The following SLC35F4 variants were observed in gnomAD, a reference collection of about 807,000 sequenced individuals.
SLC35F4 encodes solute carrier family 35 member F4.
In SLC35F4, 24 loss-of-function variants were observed where a neutral mutation model predicts 44.2. The ratio of observed to expected loss-of-function variants is 0.54; its 90% confidence interval spans 0.39 to 0.76. SLC35F4 has a LOEUF of 0.76. Ranked by LOEUF, SLC35F4 falls within the 30% of genes least tolerant of loss-of-function variation. The pLI is 0.00. For missense variants in SLC35F4, 562 were observed against 586.1 expected (o/e 0.96, Z 0.42); for synonymous variants, 238 against 223.6 (o/e 1.06, Z -0.57).
intron 1 of SLC35F4, among the ~76,000 whole-genome samples, chr14:57,873,686 T>C (rs1049621372): frequency 6.6e-6 from 1 of 152,126 alleles, no homozygotes; most frequent in African/African-American, 2.4e-5. Context: ...TAAGTAATCT[T>C]CCATTTTCCA....
At chr14:57,663,878 G>A (rs1951751) in intron 1 of SLC35F4, among the ~76,000 whole-genome samples, 59,087 of 151,946 alleles carry the variant, frequency 0.39, 11,606 homozygotes, top group South Asian at 0.51. Context: ...CAGTTCACAG[G>A]TGCTACACAA....
At chr14:57,859,044 G>A (rs1887433495) in intron 1 of SLC35F4, among the ~76,000 whole-genome samples, 2 of 152,016 alleles carry the variant, frequency 1.3e-5, no homozygotes, top group Admixed American at 1.3e-4. Flanking sequence ...GTTTAAGGCT[G>A]CAGTAAACTA....
chr14:57,730,726 C>T (rs1204553998), intron 1 of SLC35F4, among the ~76,000 whole-genome samples: 1 of 152,138 alleles, frequency 6.6e-6, no homozygotes, highest in Non-Finnish European at 1.5e-5. Context: ...TTATTTCTCC[C>T]TGTTTCATTA....
chr14:57,971,081 TTACAAC>T (rs552594578), intron 1 of SLC35F4, among the ~76,000 whole-genome samples: 113 of 152,294 alleles, frequency 7.4e-4, no homozygotes, highest in African/African-American at 2.1e-3. Flanking sequence ...CACTTCCATC[TTACAAC>T]TACAACAATG....
chr14:57,813,312 G>A (rs558843305), intron 1 of SLC35F4, among the ~76,000 whole-genome samples: 4 of 152,278 alleles, frequency 2.6e-5, no homozygotes, highest in Middle Eastern at 3.4e-3. Flanking sequence ...TTTATAGGCC[G>A]GCTGTGGTGG....
At chr14:57,828,911 C>T (rs567468698) in intron 1 of SLC35F4, among the ~76,000 whole-genome samples, 4 of 152,350 alleles carry the variant, frequency 2.6e-5, no homozygotes, top group Non-Finnish European at 4.4e-5. Context: ...AGCTCACCCA[C>T]GGGACACTTT....
intron 1 of SLC35F4, among the ~76,000 whole-genome samples, chr14:57,727,662 G>A (rs926083068): frequency 6.6e-6 from 1 of 151,978 alleles, no homozygotes; most frequent in African/African-American, 2.4e-5. Flanking sequence ...TGGTCATTCA[G>A]GAGAACATTA....
intron 1 of SLC35F4, among the ~76,000 whole-genome samples, chr14:57,818,815 A>G (rs540672227): frequency 6.6e-6 from 1 of 152,316 alleles, no homozygotes; most frequent in East Asian, 1.9e-4. Context: ...GAAGTACAAC[A>G]TGTGGACTGT....
chr14:57,577,900 T>G (rs1254918310), intron 4 of SLC35F4, among the ~76,000 whole-genome samples: 1 of 152,204 alleles, frequency 6.6e-6, no homozygotes, highest in Non-Finnish European at 1.5e-5. Context: ...AAGGGCTTTT[T>G]ATAACACATC....
At chr14:57,675,959 A>T (rs761555007) in intron 1 of SLC35F4, among the ~76,000 whole-genome samples, 15 of 152,208 alleles carry the variant, frequency 9.9e-5, no homozygotes, top group African/African-American at 2.4e-4. Context: ...CAACAACAAA[A>T]AATAAATAAA....
chr14:57,878,408 A>C (rs1199636940), intron 1 of SLC35F4, among the ~76,000 whole-genome samples: 1 of 152,158 alleles, frequency 6.6e-6, no homozygotes, highest in Non-Finnish European at 1.5e-5. Context: ...GACTCTTAGC[A>C]TGAATCCCAC....
intron 1 of SLC35F4, among the ~76,000 whole-genome samples, chr14:57,641,231 C>T (rs770798466): frequency 4.5e-4 from 68 of 152,054 alleles, no homozygotes; most frequent in Non-Finnish European, 8.1e-4. Flanking sequence ...CATAAACACG[C>T]TAACTTTAAA....
downstream of SLC35F4, among the ~76,000 whole-genome samples, chr14:57,974,365 C>A (rs1239681800): frequency 1.3e-5 from 2 of 152,130 alleles, no homozygotes; most frequent in Non-Finnish European, 2.9e-5. Flanking sequence ...AGTCTCAGAG[C>A]AACACATTGA....
chr14:57,719,229 G>A (rs1001169256), intron 1 of SLC35F4, among the ~76,000 whole-genome samples: 1 of 152,078 alleles, frequency 6.6e-6, no homozygotes, highest in African/African-American at 2.4e-5. Flanking sequence ...TGCTGTTTTG[G>A]TTACTATATC....
At chr14:57,782,785 C>A (rs2077656381) in intron 1 of SLC35F4, among the ~76,000 whole-genome samples, 1 of 152,116 alleles carries the variant, frequency 6.6e-6, no homozygotes, top group African/African-American at 2.4e-5. Flanking sequence ...TAGTGCAATA[C>A]CATAAACTTT....
intron 1 of SLC35F4, among the ~76,000 whole-genome samples, chr14:57,613,415 G>T (rs2140058659): frequency 6.6e-6 from 1 of 152,298 alleles, no homozygotes; most frequent in East Asian, 1.9e-4. Context: ...GGAGATGGCG[G>T]TCTGTGCTCC....
Position 57,953,955 on chromosome 14 carries a change from C to T in SLC35F4, n.282+27958G>A, listed in dbSNP as rs149977990. On this transcript the variant is annotated intron_variant and non_coding_transcript_variant, in intron 1 of 1. Coordinates refer to the SLC35F4 transcript ENST00000556568. Reference sequence around the variant, plus strand: ...ATAGACATCTACAGAACTCTCCATCCCAAATCAACAGAATGTACTTTCTTT... The same window carrying T: ...ATAGACATCTACAGAACTCTCCATCTCAAATCAACAGAATGTACTTTCTTT... Among the ~76,000 whole-genome samples the T allele has an allele frequency of 8.6e-3, 1,309 of 152,264 alleles. 19 individuals carry two copies. The highest frequency in any genetic ancestry group is 0.028 in the African/African-American group (1,159 of 41,560).
At chr14:57,736,201 G>C (rs75301570) in intron 1 of SLC35F4, among the ~76,000 whole-genome samples, 2,331 of 152,232 alleles carry the variant, frequency 0.015, 28 homozygotes, top group African/African-American at 0.03. Context: ...AATGCCTCTG[G>C]CTGTGGTCCT....
intron 1 of SLC35F4, among the ~76,000 whole-genome samples, chr14:57,648,993 A>T (rs961259165): frequency 2.0e-5 from 3 of 148,232 alleles, no homozygotes; most frequent in African/African-American, 4.9e-5. Context: ...CTGTCTGCAC[A>T]CTTGCTGTTT....
Sources: allele counts gnomAD v4.1 joint callset (sites outside exome capture counted in the v4.1 genomes callset), GRCh38; gene constraint gnomAD v4.1.1; transcripts MANE v1.5; gene names NCBI Gene and HGNC (gene_info 2026-07-23, HGNC 2026-07-21).